The following PIP5K1B variants were observed in gnomAD, a reference collection of about 807,000 sequenced individuals.
The protein encoded by PIP5K1B is phosphatidylinositol-4-phosphate 5-kinase type 1 beta.
A neutral mutation model predicts 67.0 loss-of-function variants in PIP5K1B; 42 were observed. The observed-to-expected ratio is 0.63, with a 90% CI of 0.49 to 0.81. The LOEUF is 0.81. Among genes scored for constraint, PIP5K1B ranks in the 30% least tolerant of loss-of-function variants. PIP5K1B has a pLI of 0.00. For synonymous variants in PIP5K1B, 214 were observed against 231.4 expected, an observed-to-expected ratio of 0.92 and a Z score of 0.68; for missense variants, 459 against 646.3, an observed-to-expected ratio of 0.71 and a Z score of 3.14.
Position 68,907,222 on chromosome 9 carries a change from A to G in PIP5K1B, c.772-10326A>G, listed in dbSNP as rs144742029. On this transcript the variant is annotated intron_variant, in intron 8 of 15. Transcript: ENST00000265382. ...GTGAACTGTCCCTGTTTTATCCTCC[A>G]TTTTTTAGGTGAGCACCATTGGAAA... is the stretch of plus-strand genomic sequence containing the variant. Among the ~76,000 whole-genome samples, 894 of 152,076 alleles carry G rather than the reference A, an allele frequency of 5.9e-3. 10 individuals are homozygous for G. The highest frequency in any genetic ancestry group is 0.02 in the African/African-American group (843 of 41,476).
chr9:68,709,253 G>GT (rs1827269120), intron 1 of PIP5K1B, among the ~76,000 whole-genome samples: 2 of 150,694 alleles, frequency 1.3e-5, no homozygotes, highest in South Asian at 2.1e-4. Context: ...CTTTTTTTTT[G>GT]TTTTTTGAGT....
chr9:68,825,045 C>T (rs1469221451), intron 4 of PIP5K1B, among the ~76,000 whole-genome samples: 2 of 152,146 alleles, frequency 1.3e-5, no homozygotes, highest in African/African-American at 4.8e-5. Context: ...CATTATTCCC[C>T]AGTATAATTT....
At chr9:68,857,408 T>C (rs755474901) in intron 4 of PIP5K1B, among the ~76,000 whole-genome samples, 3 of 152,304 alleles carry the variant, frequency 2.0e-5, no homozygotes, top group East Asian at 1.9e-4. Context: ...ACCAGTTTCA[T>C]GCAATCTCTC....
In PIP5K1B at chr9:68,889,175, A is replaced by C. The variant is rs1399533331; in HGVS notation, c.471+42A>C. 2.0e-6 allele frequency: 3 copies of C among 1,496,294 alleles called. No individual in the cohort carries two copies. The South Asian group carries it at 3.7e-5, about 18-fold the overall frequency. 92.7% of individuals were successfully genotyped at this position (1,496,294 alleles called of 1,614,324 possible). ...CATTAATGCTTCTACTTGAAGTTTAATTACTTTCCTCAACAGTTTTTTTCT... is the reference window on the plus strand; with the variant it reads ...CATTAATGCTTCTACTTGAAGTTTACTTACTTTCCTCAACAGTTTTTTTCT... On this transcript the variant is annotated intron_variant, in intron 7 of 15. Transcript: ENST00000265382.
At chr9:68,711,556 C>G (rs1017368604) in intron 1 of PIP5K1B, among the ~76,000 whole-genome samples, 1 of 152,212 alleles carries the variant, frequency 6.6e-6, no homozygotes, top group Non-Finnish European at 1.5e-5. Flanking sequence ...ATGAATATCA[C>G]TCTTCAAAAT....
intron 1 of PIP5K1B, among the ~76,000 whole-genome samples, chr9:68,728,600 T>G (rs1469175279): frequency 6.6e-6 from 1 of 152,004 alleles, no homozygotes; most frequent in Non-Finnish European, 1.5e-5. Context: ...GTAGAAGGGA[T>G]GAATAGTAAA....
intron 2 of PIP5K1B, among the ~76,000 whole-genome samples, chr9:68,787,674 G>A (rs568361824): frequency 1.1e-4 from 16 of 150,856 alleles, no homozygotes; most frequent in Non-Finnish European, 1.6e-4. Context: ...GCTCTGTCAC[G>A]CAGGCTGGAG....
At chr9:68,913,064 T>G (rs1454983174) in intron 8 of PIP5K1B, among the ~76,000 whole-genome samples, 1 of 152,236 alleles carries the variant, frequency 6.6e-6, no homozygotes, top group Non-Finnish European at 1.5e-5. Flanking sequence ...ATTGACTTTT[T>G]TACTACATTC....
At chr9:68,985,318 C>A (rs1830055502) in intron 14 of PIP5K1B, among the ~76,000 whole-genome samples, 1 of 150,514 alleles carries the variant, frequency 6.6e-6, no homozygotes, top group Non-Finnish European at 1.5e-5. Context: ...ATGGTGCGAT[C>A]TCGGCTCACT....
chr9:68,961,324 C>T (rs1828736751), intron 14 of PIP5K1B, among the ~76,000 whole-genome samples: 1 of 151,874 alleles, frequency 6.6e-6, no homozygotes, highest in African/African-American at 2.4e-5. Flanking sequence ...TATTAATGAG[C>T]ACAATTTTCT....
At chr9:68,956,870 G>C (rs1828424295) in intron 14 of PIP5K1B, among the ~76,000 whole-genome samples, 1 of 152,172 alleles carries the variant, frequency 6.6e-6, no homozygotes, top group South Asian at 2.1e-4. Flanking sequence ...TCCTGGGGCA[G>C]CTGAAGCCCC....
chr9:68,780,336 G>T, intron 2 of PIP5K1B: 1 of 1,606,898 alleles, frequency 6.2e-7, no homozygotes, highest in Non-Finnish European at 8.5e-7. Flanking sequence ...GGCGCCGAGC[G>T]CCAGGCGGAA....
intron 2 of PIP5K1B, among the ~76,000 whole-genome samples, chr9:68,764,343 T>C (rs1830331218): frequency 6.6e-6 from 1 of 152,094 alleles, no homozygotes; most frequent in East Asian, 1.9e-4. Context: ...ATTGATTACA[T>C]AGGATGGCAT....
chr9:68,942,708 A>G (rs1323171479), intron 14 of PIP5K1B, among the ~76,000 whole-genome samples: 4 of 152,184 alleles, frequency 2.6e-5, no homozygotes, highest in African/African-American at 7.2e-5. Context: ...GGGGAAAATA[A>G]AAAGTTATCT....
chr9:68,886,309 A>G (rs996331437), intron 6 of PIP5K1B, among the ~76,000 whole-genome samples: 3 of 152,178 alleles, frequency 2.0e-5, no homozygotes, highest in Non-Finnish European at 4.4e-5. Flanking sequence ...CTAGTCAATT[A>G]TGTAGCTTAT....
intron 1 of PIP5K1B, among the ~76,000 whole-genome samples, chr9:68,733,634 T>A: frequency 6.0e-5 from 2 of 33,300 alleles, no homozygotes; most frequent in East Asian, 1.2e-3. Flanking sequence ...ACTCTTTTTT[T>A]TTTTTTTTTT....
intron 14 of PIP5K1B, among the ~76,000 whole-genome samples, chr9:68,952,005 C>T (rs1218124627): frequency 2.0e-5 from 3 of 152,068 alleles, no homozygotes; most frequent in Admixed American, 6.6e-5. Context: ...ACACATACCA[C>T]GTATGTGTAC....
intron 4 of PIP5K1B, among the ~76,000 whole-genome samples, chr9:68,855,117 C>G (rs1165754844): frequency 6.6e-6 from 1 of 152,144 alleles, no homozygotes; most frequent in Non-Finnish European, 1.5e-5. Flanking sequence ...GATATTCCAT[C>G]AAGTTGTAGT....
chr9:68,801,748 C>A (rs1832614514), intron 2 of PIP5K1B, among the ~76,000 whole-genome samples: 1 of 152,212 alleles, frequency 6.6e-6, no homozygotes, highest in African/African-American at 2.4e-5. Context: ...CAAGCCCAAT[C>A]TCAGGTTAAG....
Sources: gnomAD v4.1 joint callset for allele counts (sites outside exome capture counted in the v4.1 genomes callset) on GRCh38, gnomAD v4.1.1 for gene constraint, MANE v1.5 for transcripts, NCBI Gene and HGNC (gene_info 2026-07-23, HGNC 2026-07-21) for gene names.